BFSP2: variants seen among roughly 807,000 people sequenced by gnomAD.
BFSP2 encodes phakinin.
BFSP2 carries 38 observed loss-of-function variants against 44.9 expected under a neutral mutation model. That is an observed-to-expected ratio of 0.85 (90% CI 0.65 to 1.11). BFSP2 has a LOEUF of 1.11. Among genes scored for constraint, BFSP2 ranks in the 50% least tolerant of loss-of-function variants. The pLI, the probability that BFSP2 is intolerant of heterozygous loss-of-function variation, is 0.00. For missense variants in BFSP2, 525 were observed against 533.0 expected (o/e 0.99, Z 0.15); for synonymous variants, 197 against 209.9 (o/e 0.94, Z 0.53).
chr3:133,425,149 G>A (rs2073632034), intron 1 of BFSP2, among the ~76,000 whole-genome samples: 1 of 152,178 alleles, frequency 6.6e-6, no homozygotes, highest in African/African-American at 2.4e-5. Context: ...CTATAAGGCT[G>A]GCACAGGTTT....
intron 4 of BFSP2, among the ~76,000 whole-genome samples, chr3:133,460,105 A>T (rs1310104635): frequency 6.6e-6 from 1 of 151,984 alleles, no homozygotes; most frequent in East Asian, 1.9e-4. Flanking sequence ...TAGAAAGGCT[A>T]CTCTTATACA....
intron 1 of BFSP2, among the ~76,000 whole-genome samples, chr3:133,432,350 A>G (rs2073731119): frequency 2.0e-5 from 3 of 151,958 alleles, no homozygotes; most frequent in Non-Finnish European, 4.4e-5. Context: ...ACAACTCACT[A>G]TTCCGTTCTT....
At chr3:133,464,082 C>T (rs1167943850) in intron 4 of BFSP2, among the ~76,000 whole-genome samples, 1 of 152,146 alleles carries the variant, frequency 6.6e-6, no homozygotes, top group Non-Finnish European at 1.5e-5. Context: ...TCCAGGATGC[C>T]CCACCTCCTG....
chr3:133,461,326 T>C (rs1054910321), intron 4 of BFSP2, among the ~76,000 whole-genome samples: 2 of 152,236 alleles, frequency 1.3e-5, no homozygotes, highest in African/African-American at 2.4e-5. Context: ...ATTTTTGAAA[T>C]TTGAAAATCT....
intron 1 of BFSP2, among the ~76,000 whole-genome samples, chr3:133,415,351 T>TGCCCTCTCTCCC (rs2107886677): frequency 3.8e-5 from 1 of 25,976 alleles, no homozygotes; most frequent in Non-Finnish European, 6.6e-5. Context: ...TCCTCTCCCC[T>TGCCCTCTCTCCC]CTACTCACCC....
At chr3:133,421,646 T>C (rs1458517968) in intron 1 of BFSP2, among the ~76,000 whole-genome samples, 1 of 152,244 alleles carries the variant, frequency 6.6e-6, no homozygotes, top group African/African-American at 2.4e-5. Flanking sequence ...ATCTTTTGGA[T>C]GGTACACAAT....
intron 1 of BFSP2, among the ~76,000 whole-genome samples, chr3:133,426,004 G>A (rs1187128346): frequency 5.1e-4 from 1 of 1,980 alleles, no homozygotes; most frequent in East Asian, 0.016. Context: ...GCAGGGCAGG[G>A]AAAGGAAGGG....
At chr3:133,421,292 A>C (rs1450055414) in intron 1 of BFSP2, among the ~76,000 whole-genome samples, 9 of 152,228 alleles carry the variant, frequency 5.9e-5, no homozygotes, top group Non-Finnish European at 1.0e-4. Flanking sequence ...TTAAAACAAC[A>C]GAAAGCTATT....
At chr3:133,471,610 C>T (rs938022264) in intron 5 of BFSP2, among the ~76,000 whole-genome samples, 1 of 152,094 alleles carries the variant, frequency 6.6e-6, no homozygotes. Flanking sequence ...GAATTATCAA[C>T]GCAGGACGTG....
At chr3:133,467,984 A>G (rs139071424) in intron 5 of BFSP2, among the ~76,000 whole-genome samples, 1 of 152,190 alleles carries the variant, frequency 6.6e-6, no homozygotes, top group Non-Finnish European at 1.5e-5. Context: ...CCTGAACCAC[A>G]GTTTCCTCTT....
At chr3:133,433,731 G>C (rs949747262) in intron 1 of BFSP2, among the ~76,000 whole-genome samples, 2 of 152,060 alleles carry the variant, frequency 1.3e-5, no homozygotes, top group Admixed American at 6.5e-5. Context: ...ATTTTTTCAG[G>C]CTCTTAGTAT....
intron 1 of BFSP2, among the ~76,000 whole-genome samples, chr3:133,425,498 G>T (rs1373683133): frequency 1.3e-5 from 2 of 152,150 alleles, no homozygotes; most frequent in South Asian, 2.1e-4. Flanking sequence ...AAACATGGAG[G>T]GTCCCATGAT....
At chr3:133,451,917 T>C (rs2073969480) in intron 4 of BFSP2, among the ~76,000 whole-genome samples, 1 of 152,128 alleles carries the variant, frequency 6.6e-6, no homozygotes, top group African/African-American at 2.4e-5. Context: ...GGATGAAAAG[T>C]GACAAGGAAG....
At chr3:133,467,214 C>T (rs1160503713) in intron 5 of BFSP2, among the ~76,000 whole-genome samples, 6 of 152,162 alleles carry the variant, frequency 3.9e-5, no homozygotes, top group South Asian at 2.1e-4. Flanking sequence ...CATCTGCAGC[C>T]GCCCCTTTTC....
intron 1 of BFSP2, among the ~76,000 whole-genome samples, chr3:133,428,829 T>C (rs1167857463): frequency 2.6e-5 from 4 of 152,206 alleles, no homozygotes; most frequent in Admixed American, 6.5e-5. Flanking sequence ...ACCTGCCTTC[T>C]CCATCAAACT....
intron 1 of BFSP2, among the ~76,000 whole-genome samples, chr3:133,413,369 G>C (rs933104996): frequency 1.3e-5 from 2 of 152,000 alleles, no homozygotes; most frequent in Non-Finnish European, 2.9e-5. Context: ...AATTAAACAA[G>C]CGTACAGAAG....
At chr3:133,452,534 C>G (rs1202744264) in intron 4 of BFSP2, among the ~76,000 whole-genome samples, 1 of 152,134 alleles carries the variant, frequency 6.6e-6, no homozygotes, top group Non-Finnish European at 1.5e-5. Context: ...GGTCCATTGC[C>G]TTTTTTAACA....
chr3:133,448,582 C>T lies in BFSP2; in HGVS notation c.666C>T (p.Asp222=). The T allele has an allele frequency of 6.2e-7, 1 of 1,614,014 alleles. No homozygotes were observed. Among genetic ancestry groups the T allele is most frequent in the Non-Finnish European group, 8.5e-7 (1 of 1,179,980 alleles). Residue 222 remains aspartate, a synonymous_variant, in exon 3 of 7, where the codon GAC becomes GAT. Transcript: ENST00000302334. ...VIDEANLTKM[D]LESQIESLKE... ...ATGAGGCTAATTTGACTAAAATGGA[C>T]CTGGAGAGTCAAATAGAAAGTCTGA...
At chr3:133,424,257 A>T (rs1332250787) in intron 1 of BFSP2, among the ~76,000 whole-genome samples, 2 of 120,370 alleles carry the variant, frequency 1.7e-5, no homozygotes, top group East Asian at 2.5e-4. Flanking sequence ...TTTAGTAGAG[A>T]TGGAGTTTCG....
Sources: allele counts gnomAD v4.1 joint callset (sites outside exome capture counted in the v4.1 genomes callset), GRCh38; gene constraint gnomAD v4.1.1; transcripts MANE v1.5; gene names NCBI Gene and HGNC (gene_info 2026-07-23, HGNC 2026-07-21).